KLK10: variants seen among roughly 807,000 people sequenced by gnomAD.
KLK10 encodes the protein kallikrein-10.
A neutral mutation model predicts 25.7 loss-of-function variants in KLK10; 27 were observed. The ratio of observed to expected loss-of-function variants is 1.05; its 90% CI spans 0.77 to 1.45. KLK10 has a LOEUF of 1.45. Among genes scored for constraint, KLK10 ranks in the 40% most tolerant of loss-of-function variants. The pLI, the probability that KLK10 is intolerant of heterozygous loss-of-function variation, is 0.00. For synonymous variants in KLK10, 173 were observed against 160.1 expected (o/e 1.08, Z -0.61); for missense variants, 386 against 370.0 (o/e 1.04, Z -0.35).
rs1227689040 is a variant in KLK10, at chr19:51,019,172, A to G, written c.-9-33T>C. ...GGTGTGTGCAGGGGCGGGTTAAAACAGATGCTCCGTTAGAGACCCCCACCT... is the reference window on the plus strand; with the variant it reads ...GGTGTGTGCAGGGGCGGGTTAAAACGGATGCTCCGTTAGAGACCCCCACCT... On this transcript the variant is annotated intron_variant, in intron 1 of 5. Transcript: ENST00000358789. The surrounding 1 kb of genome is among the most constrained non-coding windows in gnomAD (Gnocchi z 4.2). The G allele has an allele frequency of 6.8e-7, 1 of 1,472,558 alleles. No homozygotes were observed. The highest frequency in any genetic ancestry group is 2.3e-5 in the East Asian group (1 of 42,648). 91.2% of individuals were successfully genotyped at this position (1,472,558 alleles called of 1,614,324 possible).
At position 51,014,624 on chromosome 19, in the gene KLK10, G is replaced by A; in HGVS notation, c.*176C>T. The stretch of plus-strand genomic sequence containing the variant: ...TACAGGCAGAGAATGGGGATAGGTG[G>A]GGGAATGAGGTGAGAGGGGAGATGT... On this transcript the variant is annotated 3_prime_UTR_variant, in exon 6 of 6. Transcript: ENST00000358789. 1 of 556,600 alleles carries A rather than the reference G, an allele frequency of 1.8e-6. No homozygotes were observed. The highest frequency in any genetic ancestry group is 3.2e-6 in the Non-Finnish European group (1 of 315,326). 34.5% of individuals were successfully genotyped at this position (556,600 alleles called of 1,614,324 possible). A position where few individuals can be genotyped will look rare whatever the true frequency, so the allele number is the denominator to read the frequency against.
At position 51,018,702 on chromosome 19, in the gene KLK10, T is replaced by TCAAA. The variant is rs375399556; in HGVS notation, c.88+337_88+340dup. On this transcript the variant is annotated intron_variant, in intron 2 of 5. Coordinates refer to ENST00000358789, the MANE Select transcript of KLK10 (RefSeq NM_145888.3). Reference sequence around the variant, plus strand: ...CTGGGCGACAGAGCGAGACTCCGTCTCAAACAAACAAACAAACAAAACAAA... The same window carrying TCAAA: ...CTGGGCGACAGAGCGAGACTCCGTCTCAAACAAACAAACAAACAAACAAAACAAA... The TCAAA allele has an allele frequency of 1.3e-3, 389 of 307,720 alleles. 5 individuals carry two copies. The highest frequency in any genetic ancestry group is 7.3e-3 in the East Asian group (85 of 11,616). The allele number at this position is 307,720 out of a possible 1,614,324, so 19.1% of individuals were successfully genotyped here. A position where few individuals can be genotyped will look rare whatever the true frequency, so the allele number is the denominator to read the frequency against.
At chr19:51,017,403 G>A in intron 2 of KLK10, 113 bp from the exon 3 acceptor site, 1 of 945,638 alleles carries the variant, frequency 1.1e-6, no homozygotes, top group Non-Finnish European at 1.5e-6. Flanking sequence ...CAGCCAGAAC[G>A]CGAGGGTGGT....
At chr19:51,015,851 G>A (rs748252435) in intron 4 of KLK10, 31 bp downstream of exon 4, 4 of 1,482,704 alleles carry the variant, frequency 2.7e-6, no homozygotes, top group Admixed American at 2.3e-5. Context: ...CCCTCCTCCT[G>A]AGGTTCCGGC....
intron 2 of KLK10, 155 bp from the exon 3 acceptor site, chr19:51,017,445 A>C: frequency 1.5e-6 from 1 of 657,140 alleles, no homozygotes; most frequent in Non-Finnish European, 2.6e-6. Context: ...CGTGCACCGA[A>C]GGGAATGGGA....
At position 51,015,916 on chromosome 19, in the gene KLK10, C is replaced by G. The variant is rs1439817249; in HGVS notation, c.510G>C (p.Gln170His). 1.9e-6 allele frequency: 3 copies of G among 1,580,582 alleles called. No individual in the cohort carries two copies. Among genetic ancestry groups the G allele is most frequent in the Non-Finnish European group, 2.6e-6 (3 of 1,165,858 alleles). The change falls in exon 4 of 6, where the codon CAG (glutamine) becomes CAC (histidine). Residue 170 changes from glutamine to histidine, a missense_variant. Coordinates refer to ENST00000358789, the MANE Select transcript of KLK10 (RefSeq NM_145888.3). The stretch of plus-strand genomic sequence containing the variant: ...CGGCCGTGGTGCCCCAGCCAGCAAC[C>G]TGGCACTGGTCTCCGGGCTGAGCAC... Reference protein sequence around the residue: ...YRCAQPGDQCQVAGWGTTAAR... With the variant: ...YRCAQPGDQCHVAGWGTTAAR...
chr19:51,019,867 G>T (rs990977288), upstream of KLK10: 4 of 152,044 alleles, frequency 2.6e-5, no homozygotes, highest in African/African-American at 9.7e-5. The surrounding 1 kb of genome is among the most constrained non-coding windows in gnomAD (Gnocchi z 4.2). Flanking sequence ...GCTCTGGGAG[G>T]GGCCCTGGAA....
chr19:51,015,824 G>C, intron 4 of KLK10, 58 bp downstream of exon 4: 1 of 1,426,490 alleles, frequency 7.0e-7, no homozygotes, highest in Non-Finnish European at 9.2e-7. Context: ...CAGACCCAGG[G>C]GTTCAGGCCC....
rs1250454174 is a variant in KLK10, at chr19:51,017,305, G to C, written c.89-15C>G. 3.8e-6 allele frequency: 6 copies of C among 1,591,782 alleles called. No homozygotes were observed. The highest frequency in any genetic ancestry group is 1.3e-5 in the African/African-American group (1 of 74,452). On this transcript the variant is annotated splice_polypyrimidine_tract_variant and intron_variant, in intron 2 of 5. Coordinates refer to ENST00000358789, the MANE Select transcript of KLK10 (RefSeq NM_145888.3). ...CGCCTCTGCGGCTGGAGAAAGAAAG[G>C]GGACGGAATCAAAGCACGGAGGGCA... is the stretch of plus-strand genomic sequence containing the variant.
chr19:51,016,767 C>T (rs1271678287), intron 3 of KLK10, among the ~76,000 whole-genome samples: 2 of 151,974 alleles, frequency 1.3e-5, no homozygotes, highest in African/African-American at 4.8e-5. Flanking sequence ...TGGTAATACC[C>T]AACCCTTCCT....
upstream of KLK10, chr19:51,019,790 C>G (rs573592685): frequency 0.01 from 1,545 of 152,014 alleles, 14 homozygotes; most frequent in Non-Finnish European, 0.017. The surrounding 1 kb of genome is among the most constrained non-coding windows in gnomAD (Gnocchi z 4.2). Flanking sequence ...CACCCCCGGG[C>G]TCCCTCCCTT....
In KLK10 at chr19:51,014,993, C is replaced by T. The variant is rs192161608; in HGVS notation, c.679-41G>A. The stretch of plus-strand genomic sequence containing the variant: ...AGGAGAGATCAAATAAATGTGCCAA[C>T]GTGAGAGCTGTCACTTTGGGATCTG... On this transcript the variant is annotated intron_variant, in intron 5 of 5. Transcript: ENST00000358789. 4.2e-5 allele frequency: 66 copies of T among 1,583,424 alleles called. No homozygotes were observed. In the East Asian group the frequency reaches 8.7e-4, roughly 21 times the overall value.
intron 2 of KLK10, 23 bp from the exon 3 acceptor site, chr19:51,017,313 A>G (rs570976478): frequency 6.3e-7 from 1 of 1,582,548 alleles, no homozygotes; most frequent in African/African-American, 1.3e-5. Context: ...AGGGGACGGA[A>G]TCAAAGCACG....
intron 2 of KLK10, chr19:51,018,784 AGAACGCGGC>A (rs2091370881): frequency 1.8e-6 from 1 of 549,452 alleles, no homozygotes; most frequent in Admixed American, 3.2e-5. Flanking sequence ...AGGAGGAGAA[AGAACGCGGC>A]GAAGAGTCCA....
intron 4 of KLK10, 85 bp from the exon 5 acceptor site, chr19:51,015,635 C>A: frequency 2.7e-6 from 4 of 1,467,492 alleles, no homozygotes; most frequent in Non-Finnish European, 2.8e-6. Flanking sequence ...CCGTTTCTAT[C>A]CTAAGCCCCA....
intron 5 of KLK10, 84 bp from the exon 6 acceptor site, chr19:51,015,036 G>A (rs1292060928): frequency 2.3e-6 from 3 of 1,317,986 alleles, no homozygotes; most frequent in Non-Finnish European, 2.1e-6. Flanking sequence ...GGTGGGGAAG[G>A]AAGGAGTTGG....
chr19:51,019,226 A>C lies in KLK10; in HGVS notation c.-9-87T>G. On this transcript the variant is annotated intron_variant, in intron 1 of 5. Transcript: ENST00000358789. This position sits in a 1 kb window ranked among gnomAD's most constrained non-coding sequence, Gnocchi z 4.2. ...CGCGCTCATCCGCCCAGCCTGGGCC[A>C]CCCCAGCCCGCAAGCACCCTTTTGA... The C allele has an allele frequency of 1.1e-6, 1 of 898,726 alleles. No individual in the cohort carries two copies. 55.7% of individuals were successfully genotyped at this position (898,726 alleles called of 1,614,324 possible).
At chr19:51,015,798 C>T (rs1205390171) in intron 4 of KLK10, 84 bp downstream of exon 4, 2 of 1,349,436 alleles carry the variant, frequency 1.5e-6, no homozygotes, top group South Asian at 1.5e-5. Flanking sequence ...AATCCAGTCC[C>T]CAGCCCATCC....
rs1802055 is a variant in KLK10, at chr19:51,015,548, T to C, written c.547A>G (p.Lys183Glu). The C allele has an allele frequency of 6.2e-7, 1 of 1,613,492 alleles. No individual in the cohort carries two copies. Among genetic ancestry groups the C allele is most frequent in the Non-Finnish European group, 8.5e-7 (1 of 1,179,538 alleles). The change falls in exon 5 of 6, where the codon AAG becomes GAG. Residue 183 changes from lysine to glutamate, a missense_variant and splice_region_variant. Coordinates refer to ENST00000358789, the MANE Select transcript of KLK10 (RefSeq NM_145888.3). ...GWGTTAARRV[K>E]YNKGLTCSSI... The stretch of plus-strand genomic sequence containing the variant: ...GAGCAGGTCAGGCCCTTGTTGTACT[T>C]CACTGAAGGGAGAATATGCCAGTAA...
Sources: gnomAD v4.1 joint callset for allele counts (sites outside exome capture counted in the v4.1 genomes callset) on GRCh38, gnomAD v4.1.1 for gene constraint, Gnocchi (gnomAD v3.1) non-coding constraint, MANE v1.5 for transcripts, NCBI Gene and HGNC (gene_info 2026-07-23, HGNC 2026-07-21) for gene names.